CCL23: variants seen among roughly 807,000 people sequenced by gnomAD.
CCL23 encodes the protein C-C motif chemokine 23.
Under a neutral mutation model 11.8 loss-of-function variants are expected in CCL23, and 10 were observed. The ratio of observed to expected loss-of-function variants is 0.84; its 90% confidence interval spans 0.52 to 1.43. The LOEUF (loss-of-function observed/expected upper bound fraction) is 1.43, where lower values mean the gene tolerates loss of function less well. Among genes scored for constraint, CCL23 ranks in the 40% most tolerant of loss-of-function variants. The probability of loss-of-function intolerance (pLI) is 0.00; values close to 1 mark genes in which losing one functional copy is unlikely to be tolerated. For missense variants in CCL23, 181 were observed against 170.9 expected (o/e 1.06, Z -0.33); for synonymous variants, 60 against 61.0 (o/e 0.98, Z 0.07).
intron 1 of CCL23, among the ~76,000 whole-genome samples, chr17:36,015,261 A>G (rs2090089622): frequency 6.6e-6 from 1 of 152,152 alleles, no homozygotes; most frequent in African/African-American, 2.4e-5. Flanking sequence ...ATGTTTATCC[A>G]TGTTGTAGCA....
At chr17:36,016,338 G>A (rs553309616) in intron 1 of CCL23, among the ~76,000 whole-genome samples, 21 of 151,946 alleles carry the variant, frequency 1.4e-4, no homozygotes, top group African/African-American at 5.1e-4. Flanking sequence ...TCCACTCCCC[G>A]ATAGGCCCCA....
intron 3 of CCL23, 26 bp downstream of exon 3, chr17:36,013,718 A>T: frequency 6.2e-7 from 1 of 1,612,838 alleles, no homozygotes; most frequent in African/African-American, 1.3e-5. Flanking sequence ...CTCCCTCAAC[A>T]CATGTTTGGT....
chr17:36,015,242 A>G (rs1310587834), intron 1 of CCL23, among the ~76,000 whole-genome samples: 2 of 152,126 alleles, frequency 1.3e-5, no homozygotes, highest in Admixed American at 6.5e-5. Flanking sequence ...ACTTAGCATA[A>G]TGTCCTTGAT....
chr17:36,015,344 G>A (rs1375786015), intron 1 of CCL23, among the ~76,000 whole-genome samples: 7 of 151,840 alleles, frequency 4.6e-5, no homozygotes, highest in Non-Finnish European at 2.9e-5. Flanking sequence ...CTTACTTTTT[G>A]AGGCCAAATA....
At position 36,014,322 on chromosome 17, in the gene CCL23, C is replaced by G; in HGVS notation, c.136+12G>C. The G allele has an allele frequency of 6.3e-7, 1 of 1,598,564 alleles. No individual in the cohort carries two copies. The highest frequency in any genetic ancestry group is 8.6e-7 in the Non-Finnish European group (1 of 1,165,712). On this transcript the variant is annotated intron_variant, in intron 2 of 3. Transcript: ENST00000615050. ...GGCTGCTTTTAAATATATGCCGTATCTGATCACTTACTGTCCAGAAGTACT... is the reference window on the plus strand; with the variant it reads ...GGCTGCTTTTAAATATATGCCGTATGTGATCACTTACTGTCCAGAAGTACT...
intron 1 of CCL23, among the ~76,000 whole-genome samples, chr17:36,016,011 T>C (rs1474227091): frequency 6.6e-6 from 1 of 151,778 alleles, no homozygotes; most frequent in Non-Finnish European, 1.5e-5. Flanking sequence ...GCCACTGTAC[T>C]CCAGCCTGGG....
chr17:36,017,143 T>C (rs2090103672), intron 1 of CCL23, among the ~76,000 whole-genome samples: 1 of 152,226 alleles, frequency 6.6e-6, no homozygotes, highest in African/African-American at 2.4e-5. Flanking sequence ...TCTAAGGTTC[T>C]GTGCCTCAGT....
At chr17:36,017,724 C>T (rs2090107986) in intron 1 of CCL23, 98 bp downstream of exon 1, 5 of 1,095,048 alleles carry the variant, frequency 4.6e-6, no homozygotes, top group Non-Finnish European at 6.9e-6. Flanking sequence ...ATGACCACGT[C>T]TGGGATGGAG....
chr17:36,017,058 G>C (rs2090103063), intron 1 of CCL23, among the ~76,000 whole-genome samples: 1 of 152,034 alleles, frequency 6.6e-6, no homozygotes, highest in Non-Finnish European at 1.5e-5. Flanking sequence ...AAATGGCCTT[G>C]TCGTTCCATA....
chr17:36,013,489 T>G, intron 3 of CCL23, 181 bp from the exon 4 acceptor site: 1 of 611,384 alleles, frequency 1.6e-6, no homozygotes, highest in Non-Finnish European at 2.9e-6. Context: ...CCCCTCAGCC[T>G]GTGGGACTCC....
At chr17:36,015,203 T>G (rs1192536431) in intron 1 of CCL23, among the ~76,000 whole-genome samples, 1 of 152,224 alleles carries the variant, frequency 6.6e-6, no homozygotes, top group Non-Finnish European at 1.5e-5. Context: ...AATCATACAC[T>G]ATTTGTCCTT....
chr17:36,017,714 A>G, intron 1 of CCL23, 108 bp downstream of exon 1: 3 of 1,016,212 alleles, frequency 3.0e-6, no homozygotes, highest in Non-Finnish European at 4.5e-6. Flanking sequence ...AATGAGTACC[A>G]TGACCACGTC....
intron 1 of CCL23, 146 bp from the exon 2 acceptor site, chr17:36,014,539 G>A (rs747769742): frequency 4.0e-5 from 27 of 670,484 alleles, no homozygotes; most frequent in Non-Finnish European, 6.2e-5. Flanking sequence ...CTCTAGGCCT[G>A]ACTCCTGGCC....
intron 2 of CCL23, 33 bp from the exon 3 acceptor site, chr17:36,013,942 G>T: frequency 6.2e-7 from 1 of 1,607,232 alleles, no homozygotes; most frequent in Non-Finnish European, 8.5e-7. Flanking sequence ...TGGCTCAGAA[G>T]AGATGTTTCC....
At chr17:36,013,498 C>A (rs1291757542) in intron 3 of CCL23, 190 bp from the exon 4 acceptor site, 1 of 611,654 alleles carries the variant, frequency 1.6e-6, no homozygotes, top group African/African-American at 1.9e-5. Flanking sequence ...CTGTGGGACT[C>A]CCTAGTGACT....
At chr17:36,013,723 T>G (rs2090075545) in intron 3 of CCL23, 21 bp downstream of exon 3, 1 of 1,613,432 alleles carries the variant, frequency 6.2e-7, no homozygotes, top group South Asian at 1.1e-5. Flanking sequence ...TCAACACATG[T>G]TTGGTGAGCT....
chr17:36,015,107 C>T (rs1352922757), intron 1 of CCL23, among the ~76,000 whole-genome samples: 5 of 152,122 alleles, frequency 3.3e-5, no homozygotes, highest in Non-Finnish European at 5.9e-5. Context: ...TAAACAACAA[C>T]TCCTCATGCT....
intron 1 of CCL23, among the ~76,000 whole-genome samples, chr17:36,017,379 C>A (rs1383701322): frequency 6.6e-6 from 1 of 152,078 alleles, no homozygotes; most frequent in Admixed American, 6.6e-5. Context: ...CAAAAAAATA[C>A]GATGGTTAGG....
chr17:36,013,702 G>A (rs753105212), intron 3 of CCL23, 42 bp downstream of exon 3: 21 of 1,604,000 alleles, frequency 1.3e-5, no homozygotes, highest in African/African-American at 5.3e-5. Context: ...ATGCTACAGA[G>A]TCCTTCTCCC....
Sources: gnomAD v4.1 joint callset for allele counts (sites outside exome capture counted in the v4.1 genomes callset) on GRCh38, gnomAD v4.1.1 for gene constraint, MANE v1.5 for transcripts, NCBI Gene and HGNC (gene_info 2026-07-23, HGNC 2026-07-21) for gene names.